Variants in NINL observed in about 807,000 individuals in gnomAD.
The protein encoded by NINL is ninein-like protein.
Under a neutral mutation model 160.3 loss-of-function variants are expected in NINL, and 153 were observed. The ratio of observed to expected loss-of-function variants is 0.95; its 90% CI spans 0.84 to 1.09. NINL has a LOEUF of 1.09. Among genes scored for constraint, NINL ranks in the 50% least tolerant of loss-of-function variants. The probability of loss-of-function intolerance (pLI) is 0.00; values close to 1 mark genes in which losing one functional copy is unlikely to be tolerated. For synonymous variants in NINL, 800 were observed against 734.8 expected, an observed-to-expected ratio of 1.09 and a Z score of -1.43; for missense variants, 1,829 against 1,764.0, an observed-to-expected ratio of 1.04 and a Z score of -0.66.
intron 1 of NINL, among the ~76,000 whole-genome samples, chr20:25,538,018 C>T (rs1378029028): frequency 6.6e-6 from 1 of 152,188 alleles, no homozygotes; most frequent in African/African-American, 2.4e-5. Flanking sequence ...CCTGCCCAGG[C>T]TGGGGACTCT....
At chr20:25,461,286 G>A (rs112829347) in intron 21 of NINL, among the ~76,000 whole-genome samples, 8 of 152,302 alleles carry the variant, frequency 5.3e-5, no homozygotes, top group African/African-American at 7.2e-5. Context: ...CATGGTGCCC[G>A]CACTCCTTCC....
At chr20:25,456,300 C>A (rs1485606450) in intron 22 of NINL, among the ~76,000 whole-genome samples, 1 of 143,108 alleles carries the variant, frequency 7.0e-6, no homozygotes, top group Non-Finnish European at 1.5e-5. Flanking sequence ...GTAATCCTAG[C>A]ACTTTGGGAG....
At chr20:25,481,673 C>T (rs946847685) in intron 14 of NINL, among the ~76,000 whole-genome samples, 14 of 152,218 alleles carry the variant, frequency 9.2e-5, no homozygotes, top group Non-Finnish European at 1.6e-4. Flanking sequence ...TTCTCAGTCT[C>T]AGCAAGTACC....
chr20:25,483,446 G>A (rs1568889830), intron 13 of NINL, among the ~76,000 whole-genome samples: 1 of 152,266 alleles, frequency 6.6e-6, no homozygotes, highest in African/African-American at 2.4e-5. Context: ...GTCAGGCAGT[G>A]CCCTGGGTAA....
At chr20:25,505,134 C>T (rs947941304) in intron 5 of NINL, 56 bp from the exon 6 acceptor site, 1 of 1,448,314 alleles carries the variant, frequency 6.9e-7, no homozygotes. Context: ...TGGAGCACGA[C>T]TCAGCCTTAG....
intron 1 of NINL, among the ~76,000 whole-genome samples, chr20:25,545,974 GTTGTT>G (rs2064726766): frequency 8.7e-6 from 1 of 114,474 alleles, no homozygotes; most frequent in African/African-American, 2.8e-5. Flanking sequence ...TTCTTTCTTT[GTTGTT>G]TTGTTTTTAT....
intron 2 of NINL, among the ~76,000 whole-genome samples, chr20:25,520,106 G>A (rs557336844): frequency 5.3e-5 from 8 of 151,742 alleles, no homozygotes; most frequent in South Asian, 4.2e-4. Flanking sequence ...TGTCCAGGCA[G>A]TGGTTGACCT....
At position 25,504,103 on chromosome 20, in the gene NINL, T is replaced by A. The variant is rs779316617; in HGVS notation, c.710A>T (p.Glu237Val). 6.4e-7 allele frequency: 1 copy of A among 1,563,842 alleles called. No homozygotes were observed. ...CAGTTTGTTAAACAGGTCTTCGAGT[T>A]CCTAAACAAAAGCCGTCATATCTCA... ...SVGLQGLEKE[E>V]LEDLFNKLDQ... Residue 237 changes from glutamate (E) to valine (V), a missense_variant and splice_region_variant, in exon 7 of 24, where the codon GAA becomes GTA. Coordinates refer to ENST00000278886, the MANE Select transcript of NINL (RefSeq NM_025176.6).
rs2064052745 is a variant in NINL, at chr20:25,510,688, A to G, written c.503T>C (p.Leu168Ser). ...TGAGGCTTTACCTTGTGCTTCAAAT[A>G]ATTCATTCTGAGCTTCTTTAGTGCT... Reference protein sequence around the residue: ...AESTKEAQNELFEAQGQLQTW... With the variant: ...AESTKEAQNESFEAQGQLQTW... The change falls in exon 5 of 24, where the codon TTA (leucine) becomes TCA (serine). Residue 168 changes from leucine (L) to serine (S), a missense_variant. Leu to Ser is a moderately radical substitution (Grantham distance 145). Transcript: ENST00000278886. The G allele has an allele frequency of 5.6e-6, 9 of 1,613,824 alleles. No homozygotes were observed. Among genetic ancestry groups the G allele is most frequent in the Non-Finnish European group, 7.6e-6 (9 of 1,179,992 alleles).
rs2063764895 is a variant in NINL, at chr20:25,496,793, C to G, written c.1180G>C (p.Glu394Gln). ...QELSYQQGQVEQLARERDKAR... is the reference protein window; with the variant it reads ...QELSYQQGQVQQLARERDKAR... ...TTGTCACGCTCCCTTGCCAGCTGCTCCACCTGCCCTCTGCCACAGGAAGGA... is the reference window on the plus strand; with the variant it reads ...TTGTCACGCTCCCTTGCCAGCTGCTGCACCTGCCCTCTGCCACAGGAAGGA... Residue 394 changes from glutamate to glutamine, a missense_variant, in exon 10 of 24, where the codon GAG (glutamate) becomes CAG (glutamine). Coordinates refer to ENST00000278886, the MANE Select transcript of NINL (RefSeq NM_025176.6). 2.5e-6 allele frequency: 4 copies of G among 1,613,858 alleles called. No individual in the cohort carries two copies. In the South Asian group the frequency reaches 4.4e-5, roughly 18 times the overall value.
chr20:25,515,932 G>A (rs1462966256), intron 3 of NINL, among the ~76,000 whole-genome samples: 4 of 151,922 alleles, frequency 2.6e-5, no homozygotes, highest in African/African-American at 9.7e-5. Context: ...CACCATGCCC[G>A]GCTAATTTTT....
rs763812408 is a variant in NINL at position 25,461,604 on chromosome 20, A to G, written c.3614T>C (p.Leu1205Pro). Residue 1205 changes from leucine (L) to proline (P), a missense_variant, in exon 21 of 24, where the codon CTT (leucine) becomes CCT (proline). By Grantham distance (98) the Leu-to-Pro change is moderately conservative (BLOSUM62 -3). Transcript: ENST00000278886. ...CTGATGTTCCTGATTCAGGCATTCA[A>G]GTTCAACTCTAAGTTTTTGGATTTG... ...SDQIQKLRVE[L>P]ECLNQEHQSL... is the part of the protein sequence containing the mutation. 6.2e-7 allele frequency: 1 copy of G among 1,612,622 alleles called. No homozygotes were observed.
intron 17 of NINL, among the ~76,000 whole-genome samples, 178 bp from the exon 18 acceptor site, chr20:25,470,273 C>A (rs1301916969): frequency 6.6e-6 from 1 of 152,210 alleles, no homozygotes; most frequent in Admixed American, 6.5e-5. Context: ...TCTTACATCT[C>A]CCATGAGCCA....
chr20:25,527,999 G>A (rs1334389261), intron 1 of NINL, among the ~76,000 whole-genome samples: 3 of 152,192 alleles, frequency 2.0e-5, no homozygotes, highest in Non-Finnish European at 2.9e-5. Flanking sequence ...TTATATGACA[G>A]AATATTAAAC....
At chr20:25,510,598 C>A in intron 5 of NINL, 76 bp downstream of exon 5, 1 of 1,293,740 alleles carries the variant, frequency 7.7e-7, no homozygotes, top group Non-Finnish European at 1.1e-6. Context: ...TTGCACACTG[C>A]CCAATGACCC....
chr20:25,513,077 C>T, intron 3 of NINL, 71 bp from the exon 4 acceptor site: 3 of 1,490,846 alleles, frequency 2.0e-6, no homozygotes, highest in Non-Finnish European at 2.7e-6. Flanking sequence ...CCAGCAGGTA[C>T]CCTCTGAGAA....
At chr20:25,498,872 A>G in intron 8 of NINL, 1 of 981,884 alleles carries the variant, frequency 1.0e-6, no homozygotes, top group African/African-American at 1.7e-5. Context: ...AGAAATGTGA[A>G]GAATACACTA....
intron 8 of NINL, among the ~76,000 whole-genome samples, chr20:25,500,078 G>T (rs1000480006): frequency 2.0e-5 from 3 of 152,072 alleles, no homozygotes; most frequent in African/African-American, 7.3e-5. Context: ...GGAGAGGGGG[G>T]CAGGTAGGCT....
chr20:25,458,603 G>C, intron 21 of NINL, 74 bp from the exon 22 acceptor site: 1 of 1,425,336 alleles, frequency 7.0e-7, no homozygotes, highest in African/African-American at 1.4e-5. Context: ...CTCCATCCAA[G>C]GACACCCCCA....
Sources: allele counts gnomAD v4.1 joint callset (sites outside exome capture counted in the v4.1 genomes callset), GRCh38; gene constraint gnomAD v4.1.1; transcripts MANE v1.5; gene names NCBI Gene and HGNC (gene_info 2026-07-23, HGNC 2026-07-21).